RPA3: variants seen among roughly 807,000 people sequenced by gnomAD.
RPA3 encodes the protein replication protein A 14 kDa subunit.
In RPA3, 24 loss-of-function variants were observed where a neutral mutation model predicts 13.7. The observed-to-expected ratio is 1.75, with a 90% CI of 1.27 to 2.46. The LOEUF is 2.46. Ranked by LOEUF, RPA3 falls within the 30% of genes most tolerant of loss-of-function variation. The pLI is 0.00. For synonymous variants in RPA3, 59 were observed against 51.2 expected (o/e 1.15, Z -0.65); for missense variants, 183 against 151.0 (o/e 1.21, Z -1.11).
chr7:7,663,359 A>C (rs1416997576), intron 4 of RPA3, among the ~76,000 whole-genome samples: 1 of 129,768 alleles, frequency 7.7e-6, no homozygotes, highest in South Asian at 2.5e-4. Flanking sequence ...TATGTTAATC[A>C]ATTTAATTAA....
At chr7:7,656,648 A>C (rs540136291) in intron 4 of RPA3, among the ~76,000 whole-genome samples, 1 of 152,288 alleles carries the variant, frequency 6.6e-6, no homozygotes, top group East Asian at 1.9e-4. Context: ...ATATGAACTC[A>C]TTCTTTTTTA....
chr7:7,670,527 A>G (rs186926127), intron 4 of RPA3, among the ~76,000 whole-genome samples: 4 of 152,276 alleles, frequency 2.6e-5, no homozygotes, highest in African/African-American at 4.8e-5. Context: ...TGTGTTCACC[A>G]TATATTCAGA....
intron 4 of RPA3, among the ~76,000 whole-genome samples, chr7:7,642,645 A>G (rs896896706): frequency 6.6e-6 from 1 of 152,198 alleles, no homozygotes; most frequent in Non-Finnish European, 1.5e-5. Flanking sequence ...ATATTATAAA[A>G]TACATGATGT....
At chr7:7,717,183 C>T (rs922665807) in intron 1 of RPA3, among the ~76,000 whole-genome samples, 2 of 151,802 alleles carry the variant, frequency 1.3e-5, no homozygotes, top group Admixed American at 6.5e-5. Context: ...CTGCCTCCCG[C>T]GTAGCTGGGA....
In RPA3 at chr7:7,646,301, G is replaced by A. The variant is rs1274922093; in HGVS notation, c.-757-5126C>T. ...TCTCAGTGGGATGGTGATACGGTTT[G>A]GCTGTGCCCCACTCAAATCTCATCT... is the stretch of plus-strand genomic sequence containing the variant. On this transcript the variant is annotated intron_variant, in intron 4 of 7. Transcript: ENST00000223129. Among the ~76,000 whole-genome samples the A allele has an allele frequency of 4.7e-5, 4 of 84,670 alleles. No individual in the cohort carries two copies. In the South Asian group the frequency reaches 1.7e-3, roughly 35 times the overall value. 55.5% of individuals were successfully genotyped at this position (84,670 alleles called of 152,430 possible).
Position 7,636,951 on chromosome 7 carries a change from A to C in RPA3, c.*49T>G. 1 of 1,327,480 alleles carries C rather than the reference A, an allele frequency of 7.5e-7. No individual in the cohort carries two copies. Among genetic ancestry groups the C allele is most frequent in the South Asian group, 1.2e-5 (1 of 82,770 alleles). The allele number at this position is 1,327,480 out of a possible 1,614,324, so 82.2% of individuals were successfully genotyped here. A position where few individuals can be genotyped will look rare whatever the true frequency, so the allele number is the denominator to read the frequency against. On this transcript the variant is annotated 3_prime_UTR_variant, in exon 8 of 8. Coordinates refer to ENST00000223129, the MANE Select transcript of RPA3 (RefSeq NM_002947.5). ...CCCTCAAACAAGAAGGGCTTCCTTT[A>C]ATAGACTTTAATATAGCTCATTTAC...
chr7:7,676,469 C>T (rs748399216), intron 4 of RPA3, among the ~76,000 whole-genome samples: 1 of 152,154 alleles, frequency 6.6e-6, no homozygotes, highest in Non-Finnish European at 1.5e-5. Flanking sequence ...AACCACTGAA[C>T]TATCCATCTT....
chr7:7,677,676 T>G lies in RPA3; in HGVS notation c.-758+8154A>C, dbSNP rs1388688215. Among the ~76,000 whole-genome samples, 86 of 137,370 alleles carry G rather than the reference T, an allele frequency of 6.3e-4. 3 individuals are homozygous for G. Among genetic ancestry groups the G allele is most frequent in the Middle Eastern group, 7.1e-3 (2 of 282 alleles). 90.1% of individuals were successfully genotyped at this position (137,370 alleles called of 152,430 possible). A position where few individuals can be genotyped will look rare whatever the true frequency, so the allele number is the denominator to read the frequency against. Reference sequence around the variant, plus strand: ...CATCTGTTTTTTTGTTTTTTTTTTTTTTTTTTTTTTTTTTTGAGACGGAGT... The same window carrying G: ...CATCTGTTTTTTTGTTTTTTTTTTTGTTTTTTTTTTTTTTTGAGACGGAGT... On this transcript the variant is annotated intron_variant, in intron 4 of 7. Transcript: ENST00000223129.
intron 4 of RPA3, among the ~76,000 whole-genome samples, chr7:7,650,198 C>T (rs1328185931): frequency 6.6e-6 from 1 of 152,166 alleles, no homozygotes; most frequent in African/African-American, 2.4e-5. Flanking sequence ...TGTAATCCCA[C>T]AATTTACGTT....
Position 7,713,182 on chromosome 7 carries a change from C to CA in RPA3, c.-1028+1992dup, listed in dbSNP as rs768521316. On this transcript the variant is annotated intron_variant, in intron 2 of 7. Transcript: ENST00000223129. Reference sequence around the variant, plus strand: ...TGAAACCCTGTTTCTACTAAAAATACAAAAAAAAAAAATTAGCTGGGCATG... The same window carrying CA: ...TGAAACCCTGTTTCTACTAAAAATACAAAAAAAAAAAAATTAGCTGGGCATG... Among the ~76,000 whole-genome samples, 827 of 143,844 alleles carry CA rather than the reference C, an allele frequency of 5.7e-3. 10 individuals carry two copies. The highest frequency in any genetic ancestry group is 8.0e-3 in the African/African-American group (313 of 39,132). 94.4% of individuals were successfully genotyped at this position (143,844 alleles called of 152,430 possible).
At chr7:7,649,175 A>AAAAAAAAG (rs1563082634) in intron 4 of RPA3, among the ~76,000 whole-genome samples, 3 of 104,580 alleles carry the variant, frequency 2.9e-5, no homozygotes, top group African/African-American at 3.8e-5. Flanking sequence ...AAAAAAAAAA[A>AAAAAAAAG]AAAAGAAAAG....
intron 4 of RPA3, among the ~76,000 whole-genome samples, chr7:7,669,433 T>C (rs770597835): frequency 1.3e-5 from 2 of 152,174 alleles, no homozygotes; most frequent in African/African-American, 2.4e-5. Context: ...CCACTGTAGG[T>C]TACGTTTTTA....
intron 4 of RPA3, among the ~76,000 whole-genome samples, chr7:7,642,595 A>G (rs1464785121): frequency 1.3e-5 from 2 of 152,210 alleles, no homozygotes. Flanking sequence ...CAGGAAGATA[A>G]TTTAAAACAG....
intron 4 of RPA3, among the ~76,000 whole-genome samples, chr7:7,662,045 G>C (rs534191186): frequency 6.6e-6 from 1 of 152,184 alleles, no homozygotes; most frequent in African/African-American, 2.4e-5. Context: ...TGGCTACAGC[G>C]GCTTTGCTGA....
intron 2 of RPA3, among the ~76,000 whole-genome samples, chr7:7,687,788 A>G (rs1007961020): frequency 6.6e-6 from 1 of 152,238 alleles, no homozygotes; most frequent in East Asian, 1.9e-4. Flanking sequence ...ATGATATTCA[A>G]GGTTTACACT....
chr7:7,639,392 G>C (rs1181505382), intron 5 of RPA3, among the ~76,000 whole-genome samples: 1 of 152,144 alleles, frequency 6.6e-6, no homozygotes, highest in Non-Finnish European at 1.5e-5. Context: ...TTCTGTATTT[G>C]CTAAATATGG....
intron 4 of RPA3, among the ~76,000 whole-genome samples, chr7:7,677,921 C>T (rs1779789596): frequency 6.6e-6 from 1 of 151,988 alleles, no homozygotes; most frequent in Non-Finnish European, 1.5e-5. Flanking sequence ...GATCCGCCCG[C>T]CTCGGCCTCC....
chr7:7,662,603 C>A (rs569020080), intron 4 of RPA3, among the ~76,000 whole-genome samples: 2 of 152,240 alleles, frequency 1.3e-5, no homozygotes, highest in South Asian at 2.1e-4. Flanking sequence ...CTGGGTGAGG[C>A]GACACCCCAC....
intron 4 of RPA3, among the ~76,000 whole-genome samples, chr7:7,657,162 TG>T (rs1407832861): frequency 6.6e-6 from 1 of 152,214 alleles, no homozygotes; most frequent in African/African-American, 2.4e-5. Flanking sequence ...TTGATGGGGT[TG>T]TTTTTTTCTT....
Sources: allele counts gnomAD v4.1 joint callset (sites outside exome capture counted in the v4.1 genomes callset), GRCh38; gene constraint gnomAD v4.1.1; transcripts MANE v1.5; gene names NCBI Gene and HGNC (gene_info 2026-07-23, HGNC 2026-07-21).